TRAPPC10: variants seen among roughly 807,000 people sequenced by gnomAD.
TRAPPC10 encodes the protein TRAPP 130 kDa subunit.
In TRAPPC10, 23 loss-of-function variants were observed where a neutral mutation model predicts 125.5. The ratio of observed to expected loss-of-function variants is 0.18; its 90% CI spans 0.13 to 0.26. The LOEUF (loss-of-function observed/expected upper bound fraction) is 0.26. Ranked by LOEUF, TRAPPC10 falls within the 10% of genes least tolerant of loss-of-function variation. TRAPPC10 has a pLI of 1.00. For missense variants in TRAPPC10, 1,123 were observed against 1,308.4 expected (o/e 0.86, Z 2.19); for synonymous variants, 509 against 518.0 (o/e 0.98, Z 0.24).
At chr21:44,018,042 T>C (rs111319452) in intron 1 of TRAPPC10, among the ~76,000 whole-genome samples, 144 of 152,298 alleles carry the variant, frequency 9.5e-4, no homozygotes, top group African/African-American at 3.1e-3. Flanking sequence ...ATTGAAAAGC[T>C]TCCTTTCTTT....
At chr21:44,047,406 C>G (rs2034912079) in intron 3 of TRAPPC10, among the ~76,000 whole-genome samples, 1 of 152,106 alleles carries the variant, frequency 6.6e-6, no homozygotes, top group East Asian at 1.9e-4. Flanking sequence ...GTCTCAAACT[C>G]CTGGCCTCAA....
At chr21:44,019,289 A>G (rs761172215) in intron 1 of TRAPPC10, among the ~76,000 whole-genome samples, 2 of 152,144 alleles carry the variant, frequency 1.3e-5, no homozygotes, top group African/African-American at 4.8e-5. Flanking sequence ...GATTCAAGCA[A>G]TCCGCCCTCT....
chr21:44,049,878 C>T lies in TRAPPC10; in HGVS notation c.286-2402C>T, dbSNP rs1415925774. On this transcript the variant is annotated intron_variant, in intron 3 of 22. Transcript: ENST00000291574. ...TGTAGTGACTTTGTTTTCTTTCTTTCTTTTTTTTTTGTTTTTTTTGAGATG... is the reference window on the plus strand; with the variant it reads ...TGTAGTGACTTTGTTTTCTTTCTTTTTTTTTTTTTTGTTTTTTTTGAGATG... Among the ~76,000 whole-genome samples, 7 of 147,740 alleles carry T rather than the reference C, an allele frequency of 4.7e-5. No homozygotes were observed. In the East Asian group the frequency reaches 1.2e-3, roughly 26 times the overall value.
intron 8 of TRAPPC10, 48 bp from the exon 9 acceptor site, chr21:44,074,991 G>T (rs760755878): frequency 3.0e-6 from 4 of 1,323,308 alleles, no homozygotes; most frequent in Admixed American, 1.9e-5. Context: ...TGAATTCCCT[G>T]CTGACTCTTA....
chr21:44,087,806 C>G lies in TRAPPC10; in HGVS notation c.2647C>G (p.Leu883Val). ...YHVIEFELEV[L>V]SLPSAPALGG... ...CGTGATCGAATTTGAACTGGAAGTTCTCTCTTTACCTTCAGCCCCAGCACT... is the reference window on the plus strand; with the variant it reads ...CGTGATCGAATTTGAACTGGAAGTTGTCTCTTTACCTTCAGCCCCAGCACT... The change falls in exon 17 of 23, where the codon CTC becomes GTC. Residue 883 changes from leucine to valine, a missense_variant. This residue lies in a region of TRAPPC10 where 840 missense variants were observed against 902.0 expected (regional missense o/e 0.93). Transcript: ENST00000291574. This position sits in a 1 kb window ranked among gnomAD's most constrained non-coding sequence, Gnocchi z 4.6. The G allele has an allele frequency of 1.2e-6, 2 of 1,614,248 alleles. No homozygotes were observed. Among genetic ancestry groups the G allele is most frequent in the Non-Finnish European group, 1.7e-6 (2 of 1,180,040 alleles).
chr21:44,029,586 C>T (rs181647769), intron 1 of TRAPPC10, among the ~76,000 whole-genome samples: 167 of 152,280 alleles, frequency 1.1e-3, no homozygotes, highest in East Asian at 7.5e-3. Flanking sequence ...TTCAAATCTA[C>T]GCTGGGGCAC....
Position 44,080,061 on chromosome 21 carries a change from G to A in TRAPPC10, c.1657G>A (p.Glu553Lys). The A allele has an allele frequency of 1.2e-6, 2 of 1,614,172 alleles. No homozygotes were observed. The highest frequency in any genetic ancestry group is 1.7e-6 in the Non-Finnish European group (2 of 1,180,028). ...CTTAGCCAGTGACCACCACCTCACTGAAGAGGAGCGCAAGCACTTCTGCCA... is the reference window on the plus strand; with the variant it reads ...CTTAGCCAGTGACCACCACCTCACTAAAGAGGAGCGCAAGCACTTCTGCCA... ...SLLASDHHLTEEERKHFCQEI... is the reference protein window; with the variant it reads ...SLLASDHHLTKEERKHFCQEI... The change falls in exon 13 of 23, where the codon GAA (glutamate) becomes AAA (lysine). Residue 553 changes from glutamate to lysine, a missense_variant. Physicochemically the swap from Glu to Lys is moderately conservative, Grantham distance 56. Around this residue, in one of 4 missense-constraint regions of TRAPPC10, gnomAD observed 840 missense variants for 902.0 expected, o/e 0.93. Coordinates refer to ENST00000291574, the MANE Select transcript of TRAPPC10 (RefSeq NM_003274.5).
intron 3 of TRAPPC10, among the ~76,000 whole-genome samples, chr21:44,047,567 C>CGT (rs1389476757): frequency 1.3e-4 from 16 of 118,862 alleles, no homozygotes; most frequent in East Asian, 8.1e-4. Flanking sequence ...TGTGTGTGTG[C>CGT]GCGCACACGC....
At chr21:44,066,935 T>C (rs1346700983) in intron 7 of TRAPPC10, among the ~76,000 whole-genome samples, 4 of 152,236 alleles carry the variant, frequency 2.6e-5, no homozygotes, top group African/African-American at 4.8e-5. Context: ...ATGATACTTA[T>C]ATATTTTGTC....
intron 17 of TRAPPC10, chr21:44,088,520 G>A (rs2038304369): frequency 6.4e-6 from 1 of 156,500 alleles, no homozygotes; most frequent in African/African-American, 2.4e-5. Context: ...ACGCCCAAGA[G>A]CAGCGGGGGC....
chr21:44,072,167 A>G (rs2838484), intron 7 of TRAPPC10, among the ~76,000 whole-genome samples: 13,873 of 152,274 alleles, frequency 0.091, 1,501 homozygotes, highest in African/African-American at 0.25. Flanking sequence ...CCATGCAGTA[A>G]TTAATGCCAC....
chr21:44,026,849 C>T (rs1434520567), intron 1 of TRAPPC10, among the ~76,000 whole-genome samples: 1 of 152,160 alleles, frequency 6.6e-6, no homozygotes, highest in Non-Finnish European at 1.5e-5. Context: ...TTCTTCACCC[C>T]CCTCCACCCT....
At position 44,064,781 on chromosome 21, in the gene TRAPPC10, AAGG is replaced by A. The variant is rs541748112; in HGVS notation, c.1038+999_1038+1001del. Among the ~76,000 whole-genome samples, 43 of 152,358 alleles carry A rather than the reference AAGG, an allele frequency of 2.8e-4. 2 individuals are homozygous for A. In the South Asian group the frequency reaches 8.3e-3, roughly 29 times the overall value. Reference sequence around the variant, plus strand: ...AGAAATATATTTTAGTTAATTTCAAAAGGAGAAGTTCTTATTTCAGAGCTAAGC... The same window carrying A: ...AGAAATATATTTTAGTTAATTTCAAAAGAAGTTCTTATTTCAGAGCTAAGC... On this transcript the variant is annotated intron_variant, in intron 7 of 22. Transcript: ENST00000291574.
At chr21:44,031,858 G>A (rs1029641766) in intron 1 of TRAPPC10, among the ~76,000 whole-genome samples, 2 of 152,114 alleles carry the variant, frequency 1.3e-5, no homozygotes, top group African/African-American at 4.8e-5. Flanking sequence ...TTCCTTGTGG[G>A]GAAAATCACA....
At chr21:44,028,382 C>T (rs921898986) in intron 1 of TRAPPC10, among the ~76,000 whole-genome samples, 5 of 152,308 alleles carry the variant, frequency 3.3e-5, no homozygotes, top group African/African-American at 9.6e-5. Flanking sequence ...CTCCAGGCGG[C>T]ACCCTAGAAA....
intron 3 of TRAPPC10, 66 bp downstream of exon 3, chr21:44,037,993 G>A (rs2034115214): frequency 1.3e-6 from 2 of 1,569,484 alleles, no homozygotes; most frequent in Non-Finnish European, 1.7e-6. Context: ...AGAGTGCTGT[G>A]TGAGTACCAG....
chr21:44,050,776 TATG>T (rs1323969760), intron 3 of TRAPPC10, among the ~76,000 whole-genome samples: 1 of 152,264 alleles, frequency 6.6e-6, no homozygotes, highest in Non-Finnish European at 1.5e-5. Flanking sequence ...TTTCAGATTG[TATG>T]ATATTTGTAA....
At chr21:44,056,168 G>T (rs537595879) in intron 5 of TRAPPC10, among the ~76,000 whole-genome samples, 6 of 152,274 alleles carry the variant, frequency 3.9e-5, no homozygotes, top group African/African-American at 1.4e-4. Context: ...TAGAGTCGAG[G>T]TTTAACCCAT....
intron 7 of TRAPPC10, among the ~76,000 whole-genome samples, chr21:44,064,302 TA>T (rs1569185287): frequency 7.8e-6 from 1 of 128,310 alleles, no homozygotes; most frequent in African/African-American, 3.8e-5. Context: ...ATGTCATAAA[TA>T]TGTGTGTGTG....
Sources: allele counts gnomAD v4.1 joint callset (sites outside exome capture counted in the v4.1 genomes callset), GRCh38; gene constraint gnomAD v4.1.1; regional missense constraint gnomAD v4.1.1; non-coding constraint Gnocchi (gnomAD v3.1); transcripts MANE v1.5; gene names NCBI Gene and HGNC (gene_info 2026-07-23, HGNC 2026-07-21).